The following WDR33 variants were observed in gnomAD, a reference collection of about 807,000 sequenced individuals.
The protein encoded by WDR33 is pre-mRNA 3' end processing protein WDR33.
A neutral mutation model predicts 164.9 loss-of-function variants in WDR33; 47 were observed. The observed-to-expected ratio is 0.29, with a 90% confidence interval of 0.23 to 0.36. The LOEUF (loss-of-function observed/expected upper bound fraction) is 0.36, where lower values mean the gene tolerates loss of function less well. Ranked by LOEUF, WDR33 falls within the 10% of genes least tolerant of loss-of-function variation. The pLI is 1.00. For missense variants in WDR33, 1,137 were observed against 1,754.1 expected (o/e 0.65, Z 6.28); for synonymous variants, 505 against 589.0 (o/e 0.86, Z 2.06).
intron 1 of WDR33, among the ~76,000 whole-genome samples, chr2:127,786,108 A>T (rs1189145095): frequency 6.6e-6 from 1 of 152,174 alleles, no homozygotes; most frequent in Non-Finnish European, 1.5e-5. Context: ...ATCACAGCTC[A>T]CTGCAGCTTA....
chr2:127,782,106 A>ACAT (rs1558953442), intron 1 of WDR33, among the ~76,000 whole-genome samples: 2 of 151,668 alleles, frequency 1.3e-5, no homozygotes, highest in Non-Finnish European at 2.9e-5. Flanking sequence ...ACTAAACTTG[A>ACAT]CATTAAAAAT....
At chr2:127,788,200 AC>A (rs1268224081) in intron 1 of WDR33, among the ~76,000 whole-genome samples, 4 of 93,036 alleles carry the variant, frequency 4.3e-5, no homozygotes, top group African/African-American at 8.7e-5. Flanking sequence ...CGGAGGGCTG[AC>A]CCCCCCACCT....
intron 1 of WDR33, among the ~76,000 whole-genome samples, chr2:127,787,408 G>T (rs1204745198): frequency 7.9e-6 from 1 of 126,462 alleles, no homozygotes; most frequent in Non-Finnish European, 1.6e-5. Context: ...CGGGCAGAGG[G>T]GCTCCTCACT....
intron 7 of WDR33, among the ~76,000 whole-genome samples, chr2:127,734,306 G>A (rs17599750): frequency 0.13 from 20,069 of 152,148 alleles, 1,445 homozygotes; most frequent in South Asian, 0.25. Flanking sequence ...AGAACAGTGA[G>A]TTTGCATCAT....
chr2:127,709,364 G>T lies in WDR33; in HGVS notation c.3565+126C>A. On this transcript the variant is annotated intron_variant, in intron 20 of 21. Transcript: ENST00000322313. This position sits in a 1 kb window ranked among gnomAD's most constrained non-coding sequence, Gnocchi z 5.0. ...CAAGTGCTGCGGCTGCAGGACAGGA[G>T]ACAGCCCAGCCCCCCGGGAGACATG... 1.1e-6 allele frequency: 1 copy of T among 886,528 alleles called. No individual in the cohort carries two copies. Among genetic ancestry groups the T allele is most frequent in the Non-Finnish European group, 1.8e-6 (1 of 553,320 alleles). The allele number at this position is 886,528 out of a possible 1,614,324, so 54.9% of individuals were successfully genotyped here.
rs750485765 is a variant in WDR33 at position 127,716,540 on chromosome 2, G to C, written c.2869+615C>G. Reference sequence around the variant, plus strand: ...CTGCTCCAACTCTGCAAGACAGGGGGGTCCCACCCATCTCAGGGGCCATGG... The same window carrying C: ...CTGCTCCAACTCTGCAAGACAGGGGCGTCCCACCCATCTCAGGGGCCATGG... On this transcript the variant is annotated intron_variant, in intron 17 of 21. Coordinates refer to ENST00000322313, the MANE Select transcript of WDR33 (RefSeq NM_018383.5). This position sits in a 1 kb window ranked among gnomAD's most constrained non-coding sequence, Gnocchi z 4.5. Among the ~76,000 whole-genome samples, 10 of 152,168 alleles carry C rather than the reference G, an allele frequency of 6.6e-5. No homozygotes were observed. Among genetic ancestry groups the C allele is most frequent in the Non-Finnish European group, 1.5e-4 (10 of 68,034 alleles).
intron 7 of WDR33, among the ~76,000 whole-genome samples, chr2:127,759,084 A>T (rs1687603097): frequency 6.6e-6 from 1 of 152,222 alleles, no homozygotes; most frequent in African/African-American, 2.4e-5. Flanking sequence ...TAAAAACTTT[A>T]AAAAATGTTA....
chr2:127,797,068 C>T (rs1417654942), intron 1 of WDR33, among the ~76,000 whole-genome samples: 1 of 151,974 alleles, frequency 6.6e-6, no homozygotes, highest in Admixed American at 6.6e-5. Flanking sequence ...TGAATGATCA[C>T]CATGGCAGGG....
chr2:127,738,085 T>G lies in WDR33; in HGVS notation c.725-11308A>C. The G allele has an allele frequency of 6.2e-7, 1 of 1,603,714 alleles. No homozygotes were observed. The highest frequency in any genetic ancestry group is 8.5e-7 in the Non-Finnish European group (1 of 1,175,090). On this transcript the variant is annotated intron_variant, in intron 7 of 21. Transcript: ENST00000322313. The surrounding 1 kb of genome is among the most constrained non-coding windows in gnomAD (Gnocchi z 4.4). ...AAAACAAGAAGGGTGCATGAACTCT[T>G]AAATACTGTGCAGGCAGGTATCTAT...
intron 7 of WDR33, among the ~76,000 whole-genome samples, chr2:127,728,291 T>C (rs1301093679): frequency 2.0e-5 from 3 of 152,210 alleles, no homozygotes; most frequent in Non-Finnish European, 4.4e-5. Flanking sequence ...ATGGCATGAT[T>C]AAAATGTTCA....
intron 1 of WDR33, among the ~76,000 whole-genome samples, chr2:127,793,443 C>A (rs1000050018): frequency 1.3e-5 from 2 of 151,350 alleles, no homozygotes; most frequent in Non-Finnish European, 2.9e-5. Flanking sequence ...GGAAAAAAAA[C>A]AAAAAGCTCA....
Position 127,702,228 on chromosome 2 carries a change from G to A in WDR33, c.*4095C>T. 2 of 1,195,136 alleles carry A rather than the reference G, an allele frequency of 1.7e-6. No individual in the cohort carries two copies. The highest frequency in any genetic ancestry group is 2.1e-6 in the Non-Finnish European group (2 of 958,008). 74.0% of individuals were successfully genotyped at this position (1,195,136 alleles called of 1,614,324 possible). A position where few individuals can be genotyped will look rare whatever the true frequency, so the allele number is the denominator to read the frequency against. ...AGTACGCGGAGCCAGCGCCGTCGGA[G>A]ACCGCGCCGGCCGAGCTGAGGACTG... On this transcript the variant is annotated 3_prime_UTR_variant, in exon 22 of 22. Transcript: ENST00000322313.
intron 1 of WDR33, among the ~76,000 whole-genome samples, chr2:127,808,180 G>GA (rs572725661): frequency 1.3e-5 from 2 of 151,332 alleles, no homozygotes; most frequent in East Asian, 1.9e-4. Flanking sequence ...ATCACAGAAA[G>GA]AAAAAAAATG....
intron 7 of WDR33, among the ~76,000 whole-genome samples, chr2:127,742,311 T>C (rs9287541): frequency 0.021 from 3,242 of 152,164 alleles, 127 homozygotes; most frequent in African/African-American, 0.075. Flanking sequence ...GTGGATTGCT[T>C]GAGCTCAGGA....
At chr2:127,794,580 C>T (rs1221799109) in intron 1 of WDR33, among the ~76,000 whole-genome samples, 1 of 151,818 alleles carries the variant, frequency 6.6e-6, no homozygotes, top group Non-Finnish European at 1.5e-5. Context: ...TGCCTATAAT[C>T]CCAGCACTTT....
In WDR33 at chr2:127,763,553, TATC is replaced by T; in HGVS notation, c.627-397_627-395del. The T allele has an allele frequency of 9.9e-7, 1 of 1,014,126 alleles. No individual in the cohort carries two copies. Among genetic ancestry groups the T allele is most frequent in the Non-Finnish European group, 1.2e-6 (1 of 847,496 alleles). 62.8% of individuals were successfully genotyped at this position (1,014,126 alleles called of 1,614,324 possible). A position where few individuals can be genotyped will look rare whatever the true frequency, so the allele number is the denominator to read the frequency against. On this transcript the variant is annotated intron_variant, in intron 6 of 21. Transcript: ENST00000322313. This position sits in a 1 kb window ranked among gnomAD's most constrained non-coding sequence, Gnocchi z 4.5. ...CACACACGAATACTGCTCCCAAAAT[TATC>T]ATCAGCTTCTGCCTCAGACACTTCA... is the stretch of plus-strand genomic sequence containing the variant.
intron 1 of WDR33, among the ~76,000 whole-genome samples, chr2:127,782,556 T>C (rs1688412102): frequency 6.6e-6 from 1 of 152,212 alleles, no homozygotes; most frequent in South Asian, 2.1e-4. Context: ...CAGTAGGCTC[T>C]CTGTATCTAT....
intron 7 of WDR33, among the ~76,000 whole-genome samples, chr2:127,759,792 G>C (rs1687624148): frequency 6.6e-6 from 1 of 152,090 alleles, no homozygotes; most frequent in Non-Finnish European, 1.5e-5. Flanking sequence ...TATAATCCTA[G>C]CACTTTGGGA....
At chr2:127,804,398 T>C (rs180693516) in intron 1 of WDR33, among the ~76,000 whole-genome samples, 2 of 152,304 alleles carry the variant, frequency 1.3e-5, no homozygotes, top group Admixed American at 6.5e-5. Context: ...CTGAGACAAC[T>C]AGAGAAATTT....
Sources: allele counts gnomAD v4.1 joint callset (sites outside exome capture counted in the v4.1 genomes callset), GRCh38; gene constraint gnomAD v4.1.1; non-coding constraint Gnocchi (gnomAD v3.1); transcripts MANE v1.5; gene names NCBI Gene and HGNC (gene_info 2026-07-23, HGNC 2026-07-21).